The following HIBADH variants were observed in gnomAD, a reference collection of about 807,000 sequenced individuals.
HIBADH encodes the protein 3-hydroxyisobutyrate dehydrogenase.
Under a neutral mutation model 36.1 loss-of-function variants are expected in HIBADH, and 25 were observed. The observed-to-expected ratio is 0.69, with a 90% CI of 0.50 to 0.97. The LOEUF (loss-of-function observed/expected upper bound fraction) is 0.97. HIBADH is among the 50% of genes least tolerant of loss of function. HIBADH has a pLI of 0.00. For missense variants in HIBADH, 421 were observed against 418.0 expected (o/e 1.01, Z -0.06); for synonymous variants, 160 against 149.5 (o/e 1.07, Z -0.51).
chr7:27,539,620 T>C (rs914977907), intron 5 of HIBADH, among the ~76,000 whole-genome samples: 5 of 152,126 alleles, frequency 3.3e-5, no homozygotes, highest in Non-Finnish European at 7.4e-5. Context: ...TGCTGCGTGA[T>C]TGTACTACAA....
intron 4 of HIBADH, among the ~76,000 whole-genome samples, chr7:27,616,822 T>C (rs966775266): frequency 6.6e-6 from 1 of 151,588 alleles, no homozygotes; most frequent in Non-Finnish European, 1.5e-5. Context: ...TTTTAATTAA[T>C]AGAAAAAAAG....
At chr7:27,624,785 G>A (rs1247671156) in intron 4 of HIBADH, among the ~76,000 whole-genome samples, 1 of 152,146 alleles carries the variant, frequency 6.6e-6, no homozygotes, top group Non-Finnish European at 1.5e-5. Flanking sequence ...ATCTCTTGGT[G>A]TTACTTCCAC....
chr7:27,547,850 T>C (rs955452551), intron 4 of HIBADH, among the ~76,000 whole-genome samples: 2 of 152,154 alleles, frequency 1.3e-5, no homozygotes, highest in East Asian at 1.9e-4. Context: ...CACAAAAAAA[T>C]TGTTCCAAAT....
At chr7:27,556,802 A>C (rs1784395128) in intron 4 of HIBADH, among the ~76,000 whole-genome samples, 1 of 152,136 alleles carries the variant, frequency 6.6e-6, no homozygotes, top group Non-Finnish European at 1.5e-5. Context: ...GTAACTTTAT[A>C]CTGTGTTCTG....
At chr7:27,535,497 G>C (rs540810880) in intron 6 of HIBADH, among the ~76,000 whole-genome samples, 116 of 152,290 alleles carry the variant, frequency 7.6e-4, no homozygotes, top group Admixed American at 2.4e-3. Context: ...GGTTGGCAAT[G>C]CAAGTAACTT....
At chr7:27,590,022 C>T (rs1784917843) in intron 4 of HIBADH, among the ~76,000 whole-genome samples, 1 of 152,018 alleles carries the variant, frequency 6.6e-6, no homozygotes, top group African/African-American at 2.4e-5. Flanking sequence ...TACATTAGAA[C>T]ATTCTGATAA....
At chr7:27,530,175 T>A (rs1783970591) in intron 7 of HIBADH, among the ~76,000 whole-genome samples, 1 of 151,724 alleles carries the variant, frequency 6.6e-6, no homozygotes, top group East Asian at 2.0e-4. Context: ...AAGGTATGCT[T>A]GTGTGGTATC....
chr7:27,565,054 A>G (rs1784525559), intron 4 of HIBADH, among the ~76,000 whole-genome samples: 3 of 152,140 alleles, frequency 2.0e-5, no homozygotes, highest in Admixed American at 2.0e-4. Context: ...TTTCATATGC[A>G]AACCAACCAA....
intron 4 of HIBADH, among the ~76,000 whole-genome samples, chr7:27,613,402 A>C (rs1429043905): frequency 1.7e-4 from 24 of 145,362 alleles, no homozygotes; most frequent in Admixed American, 6.9e-4. Flanking sequence ...ACAACAACAA[A>C]AAAATAAAGG....
intron 4 of HIBADH, among the ~76,000 whole-genome samples, chr7:27,555,903 G>T (rs1247692781): frequency 6.6e-6 from 1 of 151,874 alleles, no homozygotes; most frequent in Non-Finnish European, 1.5e-5. Context: ...AACCTGTTAG[G>T]GTCACATGAT....
intron 4 of HIBADH, among the ~76,000 whole-genome samples, chr7:27,584,151 C>T (rs1784827656): frequency 1.3e-5 from 2 of 151,868 alleles, no homozygotes; most frequent in Admixed American, 1.3e-4. Flanking sequence ...TATATTAAAC[C>T]CAAACCTGAC....
Position 27,577,408 on chromosome 7 carries a change from C to T in HIBADH, c.485-34308G>A, listed in dbSNP as rs1002180513. Among the ~76,000 whole-genome samples, 4 of 152,008 alleles carry T rather than the reference C, an allele frequency of 2.6e-5. No individual in the cohort carries two copies. In the South Asian group the frequency reaches 6.2e-4, roughly 24 times the overall value. The stretch of plus-strand genomic sequence containing the variant: ...GAACTCCTGACCTCAGGTGATCTGC[C>T]GACCTCGGCCTCCCAAAGTGCTGGG... On this transcript the variant is annotated intron_variant, in intron 4 of 7. Coordinates refer to ENST00000265395, the MANE Select transcript of HIBADH (RefSeq NM_152740.4).
At chr7:27,585,250 T>C (rs1784842438) in intron 4 of HIBADH, among the ~76,000 whole-genome samples, 1 of 124,246 alleles carries the variant, frequency 8.0e-6, no homozygotes, top group South Asian at 2.7e-4. Flanking sequence ...CGTGTGCATA[T>C]ATACACACGT....
At chr7:27,549,596 C>A (rs900292920) in intron 4 of HIBADH, among the ~76,000 whole-genome samples, 19 of 152,156 alleles carry the variant, frequency 1.2e-4, no homozygotes, top group African/African-American at 4.3e-4. Context: ...GAACTTCATG[C>A]AGGAACAGTA....
chr7:27,542,135 G>A (rs1252506286), intron 5 of HIBADH, among the ~76,000 whole-genome samples: 3 of 151,992 alleles, frequency 2.0e-5, no homozygotes, highest in Non-Finnish European at 2.9e-5. Context: ...ATGCGTTCAC[G>A]ACATATCTAA....
At chr7:27,608,559 G>T (rs759726802) in intron 4 of HIBADH, among the ~76,000 whole-genome samples, 2 of 152,096 alleles carry the variant, frequency 1.3e-5, no homozygotes, top group Non-Finnish European at 2.9e-5. Context: ...GATTATGGTA[G>T]CAAGGCCCTT....
chr7:27,573,563 AG>A (rs1160833099), intron 4 of HIBADH, among the ~76,000 whole-genome samples: 1 of 152,212 alleles, frequency 6.6e-6, no homozygotes, highest in African/African-American at 2.4e-5. Flanking sequence ...GAAGAAGTAT[AG>A]GAAAAAAGGA....
intron 2 of HIBADH, among the ~76,000 whole-genome samples, chr7:27,641,362 A>G (rs1001183926): frequency 6.6e-5 from 10 of 152,156 alleles, no homozygotes; most frequent in African/African-American, 2.4e-4. Flanking sequence ...TTTGGCTCTC[A>G]CTTCATCAGC....
At chr7:27,584,349 C>T (rs1784829949) in intron 4 of HIBADH, among the ~76,000 whole-genome samples, 1 of 152,032 alleles carries the variant, frequency 6.6e-6, no homozygotes, top group Non-Finnish European at 1.5e-5. Flanking sequence ...TCCCAGTATA[C>T]AGTAACAGAA....
Sources: allele counts gnomAD v4.1 joint callset (sites outside exome capture counted in the v4.1 genomes callset), GRCh38; gene constraint gnomAD v4.1.1; transcripts MANE v1.5; gene names NCBI Gene and HGNC (gene_info 2026-07-23, HGNC 2026-07-21).